Variants in DCDC1 observed in about 807,000 individuals in gnomAD.
The protein encoded by DCDC1 is doublecortin domain containing 1, also known as doublecortin domain-containing protein 1.
Under a neutral mutation model 178.3 loss-of-function variants are expected in DCDC1, and 200 were observed. The observed-to-expected ratio is 1.12, with a 90% CI of 1.00 to 1.26. The LOEUF (loss-of-function observed/expected upper bound fraction) is 1.26. Among genes scored for constraint, DCDC1 ranks in the 50% most tolerant of loss-of-function variants. The pLI, the probability that DCDC1 is intolerant of heterozygous loss-of-function variation, is 0.00. For missense variants in DCDC1, 1,983 were observed against 1,749.2 expected, an observed-to-expected ratio of 1.13 and a Z score of -2.38; for synonymous variants, 690 against 604.8, an observed-to-expected ratio of 1.14 and a Z score of -2.07.
intron 8 of DCDC1, among the ~76,000 whole-genome samples, chr11:31,257,493 C>T (rs1381449862): frequency 6.6e-6 from 1 of 151,334 alleles, no homozygotes; most frequent in Non-Finnish European, 1.5e-5. Flanking sequence ...TATTACAAAT[C>T]GAGGAATCGG....
intron 9 of DCDC1, among the ~76,000 whole-genome samples, chr11:31,200,242 A>T (rs951446944): frequency 6.6e-6 from 1 of 152,052 alleles, no homozygotes; most frequent in Non-Finnish European, 1.5e-5. Flanking sequence ...CTGTCTAAAG[A>T]TGTGTTTTAA....
intron 12 of DCDC1, among the ~76,000 whole-genome samples, chr11:31,109,549 C>T (rs1026065269): frequency 3.3e-5 from 5 of 152,024 alleles, no homozygotes; most frequent in Middle Eastern, 3.2e-3. Context: ...ACAACTTTTT[C>T]GATTGGCTGT....
intron 11 of DCDC1, among the ~76,000 whole-genome samples, chr11:31,124,788 TTAAA>T (rs1487474894): frequency 6.6e-6 from 1 of 152,096 alleles, no homozygotes; most frequent in Non-Finnish European, 1.5e-5. Flanking sequence ...CTCAGATGGA[TTAAA>T]TACTTAACTA....
At chr11:31,086,910 G>A (rs752849840) in intron 17 of DCDC1, among the ~76,000 whole-genome samples, 116 of 152,168 alleles carry the variant, frequency 7.6e-4, no homozygotes, top group Non-Finnish European at 1.3e-3. Flanking sequence ...GAATCAGATG[G>A]GAAGTATTCC....
At chr11:30,965,535 C>CTT (rs34013491) in intron 20 of DCDC1, among the ~76,000 whole-genome samples, 24 of 139,140 alleles carry the variant, frequency 1.7e-4, no homozygotes, top group South Asian at 4.7e-4. Flanking sequence ...TAGAAAATTT[C>CTT]TTTTTTTTTT....
chr11:30,882,448 A>AT (rs5790843), intron 36 of DCDC1: 74,529 of 151,828 alleles, frequency 0.49, 19,279 homozygotes, highest in Middle Eastern at 0.6. Context: ...ATTTTTATAT[A>AT]TTTTTTTATC....
At chr11:31,258,137 T>C (rs1264160473) in intron 8 of DCDC1, among the ~76,000 whole-genome samples, 1 of 151,902 alleles carries the variant, frequency 6.6e-6, no homozygotes, top group African/African-American at 2.4e-5. Context: ...GGGCCTGAGA[T>C]TAAGGAAAGA....
At chr11:31,189,224 G>A (rs16921914) in intron 9 of DCDC1, among the ~76,000 whole-genome samples, 33,720 of 152,002 alleles carry the variant, frequency 0.22, 4,732 homozygotes, top group East Asian at 0.39. Context: ...CCAAGGCCAT[G>A]GAAAGGACCC....
intron 3 of DCDC1, among the ~76,000 whole-genome samples, chr11:31,316,274 G>C (rs1949114615): frequency 8.5e-6 from 1 of 117,766 alleles, no homozygotes; most frequent in African/African-American, 3.8e-5. Flanking sequence ...CCCACCAACA[G>C]TGTAAAAGTG....
chr11:30,894,322 C>G lies in DCDC1; in HGVS notation c.4828G>C (p.Val1610Leu). 2 of 1,613,896 alleles carry G rather than the reference C, an allele frequency of 1.2e-6. No individual in the cohort carries two copies. The highest frequency in any genetic ancestry group is 2.2e-5 in the South Asian group (2 of 91,068). The change falls in exon 35 of 39, where the codon GTG (valine) becomes CTG (leucine). Residue 1610 changes from valine (V) to leucine (L), a missense_variant. Transcript: ENST00000684477. ...MVPTKSPVQP[V>L]VVEGGWTEQT... is the part of the protein sequence containing the mutation. ...TCGGTCCAGCCTCCTTCAACCACCA[C>G]GGGCTGCACAGGGCTCTTGGTAGGA...
At position 31,043,203 on chromosome 11, in the gene DCDC1, T is replaced by C. The variant is rs1954592624; in HGVS notation, c.2591+21266A>G. Among the ~76,000 whole-genome samples the C allele has an allele frequency of 3.3e-5, 5 of 152,338 alleles. No individual in the cohort carries two copies. The South Asian group carries it at 1.0e-3, about 32-fold the overall frequency. On this transcript the variant is annotated intron_variant, in intron 20 of 38. Transcript: ENST00000684477. Reference sequence around the variant, plus strand: ...TGAGGCCACTGTTGTCTATGCAGTCTGTCACTGACCAAAATTTCCTTATGC... The same window carrying C: ...TGAGGCCACTGTTGTCTATGCAGTCCGTCACTGACCAAAATTTCCTTATGC...
intron 20 of DCDC1, among the ~76,000 whole-genome samples, chr11:31,018,312 T>C (rs1403269261): frequency 6.6e-6 from 1 of 152,232 alleles, no homozygotes; most frequent in Non-Finnish European, 1.5e-5. Context: ...TCATATTTTG[T>C]AATTTTTTAA....
chr11:31,011,602 C>T (rs1264541152), intron 20 of DCDC1, among the ~76,000 whole-genome samples: 1 of 152,070 alleles, frequency 6.6e-6, no homozygotes, highest in Non-Finnish European at 1.5e-5. Context: ...TTAGCAAAAG[C>T]CAAGTCTGAC....
Position 30,978,372 on chromosome 11 carries a change from T to C in DCDC1, c.2592-25804A>G, listed in dbSNP as rs191604051. 2.6e-5 allele frequency among the ~76,000 whole-genome samples: 4 copies of C among 152,354 alleles called. No homozygotes were observed. In the South Asian group the frequency reaches 6.2e-4, roughly 24 times the overall value. On this transcript the variant is annotated intron_variant, in intron 20 of 38. Transcript: ENST00000684477. ...ACAGAGATCCTGACCATCTTGCACA[T>C]GGTTATATCCACAAAGTCTAGCACA...
At chr11:30,888,308 C>G (rs1167714786) in intron 36 of DCDC1, among the ~76,000 whole-genome samples, 3 of 152,070 alleles carry the variant, frequency 2.0e-5, no homozygotes, top group Non-Finnish European at 4.4e-5. Context: ...AAATGTAATG[C>G]CCAAGTCACA....
chr11:31,041,622 T>C (rs1954458879), intron 20 of DCDC1, among the ~76,000 whole-genome samples: 1 of 152,216 alleles, frequency 6.6e-6, no homozygotes, highest in Non-Finnish European at 1.5e-5. Context: ...CTAATTCTTA[T>C]ATTTACTATA....
chr11:31,332,493 C>T (rs1191592083), intron 2 of DCDC1, among the ~76,000 whole-genome samples: 1 of 152,130 alleles, frequency 6.6e-6, no homozygotes, highest in Non-Finnish European at 1.5e-5. Flanking sequence ...TTAGATCTTT[C>T]CTTCTTTCTC....
chr11:31,167,824 A>G (rs1362220463), intron 9 of DCDC1, among the ~76,000 whole-genome samples: 1 of 152,144 alleles, frequency 6.6e-6, no homozygotes, highest in East Asian at 1.9e-4. Flanking sequence ...CCTCTAGCCA[A>G]CTCCTGAAGA....
chr11:31,112,041 T>C (rs1167819004), intron 11 of DCDC1, among the ~76,000 whole-genome samples: 2 of 152,130 alleles, frequency 1.3e-5, no homozygotes, highest in Non-Finnish European at 2.9e-5. Context: ...CTGTGACCTC[T>C]GCAAATCCTA....
Sources: gnomAD v4.1 joint callset for allele counts (sites outside exome capture counted in the v4.1 genomes callset) on GRCh38, gnomAD v4.1.1 for gene constraint, MANE v1.5 for transcripts, NCBI Gene and HGNC (gene_info 2026-07-23, HGNC 2026-07-21) for gene names.